The following SGCZ variants were observed in gnomAD, a reference collection of about 807,000 sequenced individuals.
The protein encoded by SGCZ is zeta-sarcoglycan.
In SGCZ, 40 loss-of-function variants were observed where a neutral mutation model predicts 41.3. The ratio of observed to expected loss-of-function variants is 0.97; its 90% CI spans 0.75 to 1.26. The LOEUF is 1.26. SGCZ is among the 50% of genes most tolerant of loss of function. SGCZ has a pLI of 0.00. For missense variants in SGCZ, 552 were observed against 369.8 expected (o/e 1.49, Z -4.04); for synonymous variants, 206 against 137.5 (o/e 1.50, Z -3.49).
At chr8:15,095,016 C>G (rs1160002924) in intron 1 of SGCZ, among the ~76,000 whole-genome samples, 1 of 152,178 alleles carries the variant, frequency 6.6e-6, no homozygotes, top group Non-Finnish European at 1.5e-5. Context: ...TCATTTCACC[C>G]AAAACGAATG....
At chr8:15,131,017 G>C (rs1807878260) in intron 1 of SGCZ, among the ~76,000 whole-genome samples, 1 of 152,070 alleles carries the variant, frequency 6.6e-6, no homozygotes, top group South Asian at 2.1e-4. Flanking sequence ...AAGTTACTAG[G>C]ATTTTTTTCA....
intron 1 of SGCZ, among the ~76,000 whole-genome samples, chr8:14,636,904 C>A (rs1027962270): frequency 6.6e-6 from 1 of 151,848 alleles, no homozygotes; most frequent in Non-Finnish European, 1.5e-5. Flanking sequence ...ATTACTAAAT[C>A]TATCAAACCT....
intron 3 of SGCZ, among the ~76,000 whole-genome samples, chr8:14,291,736 G>T (rs73207775): frequency 8.6e-5 from 13 of 151,680 alleles, no homozygotes; most frequent in Admixed American, 1.3e-4. Context: ...TGGAGTTAGA[G>T]GACTATTTGT....
At chr8:14,477,360 T>C (rs1376167245) in intron 2 of SGCZ, among the ~76,000 whole-genome samples, 1 of 152,166 alleles carries the variant, frequency 6.6e-6, no homozygotes, top group East Asian at 1.9e-4. Flanking sequence ...TATGAGCTCA[T>C]TAATGAATGT....
chr8:14,763,693 C>T (rs1397362293), intron 1 of SGCZ, among the ~76,000 whole-genome samples: 2 of 152,044 alleles, frequency 1.3e-5, no homozygotes, highest in Non-Finnish European at 2.9e-5. Flanking sequence ...GGAAGAAAAC[C>T]CAATGATGGC....
At chr8:14,532,130 T>C (rs1173019304) in intron 2 of SGCZ, among the ~76,000 whole-genome samples, 2 of 152,076 alleles carry the variant, frequency 1.3e-5, no homozygotes, top group Non-Finnish European at 2.9e-5. Context: ...AATACCAGAA[T>C]GGCATTTTAT....
intron 1 of SGCZ, among the ~76,000 whole-genome samples, chr8:14,993,123 A>G (rs1482067978): frequency 6.6e-6 from 1 of 152,186 alleles, no homozygotes; most frequent in African/African-American, 2.4e-5. Flanking sequence ...CCCAAATATT[A>G]TAAAATAGCT....
rs2131065121 is a variant in SGCZ at position 15,092,555 on chromosome 8, G to A, written c.39+145030C>T. 2.0e-5 allele frequency among the ~76,000 whole-genome samples: 3 copies of A among 152,200 alleles called. No homozygotes were observed. In the East Asian group the frequency reaches 5.8e-4, roughly 29 times the overall value. ...ATGAATATCCATTGCTTTGTACAAGGAGAAAGAAAATAAATTCTTTAAAAT... is the reference window on the plus strand; with the variant it reads ...ATGAATATCCATTGCTTTGTACAAGAAGAAAGAAAATAAATTCTTTAAAAT... On this transcript the variant is annotated intron_variant, in intron 1 of 7. Coordinates refer to ENST00000382080, the MANE Select transcript of SGCZ (RefSeq NM_139167.4).
intron 3 of SGCZ, among the ~76,000 whole-genome samples, chr8:14,258,189 T>A (rs1018274760): frequency 6.6e-6 from 1 of 152,144 alleles, no homozygotes; most frequent in Non-Finnish European, 1.5e-5. Flanking sequence ...CAGTTTTATA[T>A]CTAAATATAA....
Position 14,107,368 on chromosome 8 carries a change from T to C in SGCZ, c.620+795A>G, listed in dbSNP as rs540946408. ...ATAATGTTGGAATTTTCCTGGGTAG[T>C]GAGAGCTTTTACATATAAATGCCTC... On this transcript the variant is annotated intron_variant, in intron 6 of 7. Transcript: ENST00000382080. Among the ~76,000 whole-genome samples, 4 of 152,302 alleles carry C rather than the reference T, an allele frequency of 2.6e-5. No individual in the cohort carries two copies. In the South Asian group the frequency reaches 8.3e-4, roughly 32 times the overall value.
At chr8:14,886,523 C>T (rs1199437634) in intron 1 of SGCZ, among the ~76,000 whole-genome samples, 7 of 151,772 alleles carry the variant, frequency 4.6e-5, no homozygotes, top group African/African-American at 1.7e-4. Context: ...GGTGAGAGAA[C>T]AAATAATCCT....
At chr8:14,939,350 C>T (rs1241042926) in intron 1 of SGCZ, among the ~76,000 whole-genome samples, 1 of 152,088 alleles carries the variant, frequency 6.6e-6, no homozygotes, top group African/African-American at 2.4e-5. Context: ...ATCTACCTTG[C>T]TCTCAACATC....
At chr8:14,356,258 T>C (rs1484205485) in intron 2 of SGCZ, among the ~76,000 whole-genome samples, 1 of 152,178 alleles carries the variant, frequency 6.6e-6, no homozygotes. Flanking sequence ...ATTTTCAACT[T>C]AACAGTGGGT....
At chr8:14,644,994 A>C (rs939111786) in intron 1 of SGCZ, among the ~76,000 whole-genome samples, 14 of 151,210 alleles carry the variant, frequency 9.3e-5, no homozygotes, top group African/African-American at 3.1e-4. Flanking sequence ...ACTGTGGCCT[A>C]CAGTCTATCT....
At chr8:15,213,308 TAAC>T (rs767248073) in intron 1 of SGCZ, among the ~76,000 whole-genome samples, 21 of 151,928 alleles carry the variant, frequency 1.4e-4, no homozygotes, top group Non-Finnish European at 2.1e-4. Flanking sequence ...TTATAAAAAG[TAAC>T]AACTAACAGA....
At chr8:14,992,870 A>T (rs1200724153) in intron 1 of SGCZ, among the ~76,000 whole-genome samples, 2 of 140,410 alleles carry the variant, frequency 1.4e-5, no homozygotes, top group African/African-American at 5.4e-5. Flanking sequence ...GTTCCCCTCA[A>T]TATTTACCTC....
intron 2 of SGCZ, among the ~76,000 whole-genome samples, chr8:14,496,061 A>G (rs909468814): frequency 8.5e-5 from 13 of 152,068 alleles, no homozygotes; most frequent in African/African-American, 3.1e-4. Context: ...GTCTCCTAGT[A>G]CTTATTTATT....
intron 1 of SGCZ, among the ~76,000 whole-genome samples, chr8:14,978,437 C>T (rs1801555228): frequency 9.2e-6 from 1 of 108,396 alleles, no homozygotes; most frequent in African/African-American, 4.7e-5. Flanking sequence ...CGGCATTGCA[C>T]TCTAGCCTGG....
At chr8:14,261,788 A>C (rs1799676680) in intron 3 of SGCZ, among the ~76,000 whole-genome samples, 1 of 152,314 alleles carries the variant, frequency 6.6e-6, no homozygotes, top group South Asian at 2.1e-4. Context: ...ATTCCATTTC[A>C]TTAGGGTATG....
Sources: allele counts gnomAD v4.1 joint callset (sites outside exome capture counted in the v4.1 genomes callset), GRCh38; gene constraint gnomAD v4.1.1; transcripts MANE v1.5; gene names NCBI Gene and HGNC (gene_info 2026-07-23, HGNC 2026-07-21).